GTF2H1: variants seen among roughly 807,000 people sequenced by gnomAD.
GTF2H1 encodes general transcription factor IIH subunit 1.
In GTF2H1, 16 loss-of-function variants were observed where a neutral mutation model predicts 71.2. The observed-to-expected ratio is 0.22, with a 90% confidence interval of 0.15 to 0.34. The LOEUF (loss-of-function observed/expected upper bound fraction) is 0.34. Among genes scored for constraint, GTF2H1 ranks in the 10% least tolerant of loss-of-function variants. The pLI, the probability that GTF2H1 is intolerant of heterozygous loss-of-function variation, is 1.00. For missense variants in GTF2H1, 498 were observed against 648.2 expected (o/e 0.77, Z 2.52); for synonymous variants, 215 against 219.0 (o/e 0.98, Z 0.16).
At chr11:18,325,802 C>G (rs1046296744) in intron 1 of GTF2H1, 1 of 152,176 alleles carries the variant, frequency 6.6e-6, no homozygotes, top group Non-Finnish European at 1.5e-5. Flanking sequence ...AAATTAATGC[C>G]TTTAATATAG....
At chr11:18,337,461 A>G (rs1005471884) in intron 3 of GTF2H1, among the ~76,000 whole-genome samples, 1 of 151,890 alleles carries the variant, frequency 6.6e-6, no homozygotes, top group Admixed American at 6.6e-5. Context: ...GAAAAAAAAA[A>G]CTTCATTGCT....
chr11:18,333,475 C>T (rs765369167), intron 2 of GTF2H1: 7 of 283,528 alleles, frequency 2.5e-5, no homozygotes, highest in Non-Finnish European at 3.3e-5. Context: ...TTAAGAGTTG[C>T]ATAATACTCC....
At chr11:18,344,934 G>T (rs897228529) in intron 7 of GTF2H1, among the ~76,000 whole-genome samples, 1 of 152,090 alleles carries the variant, frequency 6.6e-6, no homozygotes, top group African/African-American at 2.4e-5. Context: ...CGCCAGGTGG[G>T]GTGGCTCATG....
chr11:18,343,826 G>A (rs924648162), intron 7 of GTF2H1, among the ~76,000 whole-genome samples: 2 of 152,068 alleles, frequency 1.3e-5, no homozygotes, highest in Non-Finnish European at 2.9e-5. Context: ...GAGTCGGCGA[G>A]TCTCCTTGAT....
Position 18,352,424 on chromosome 11 carries a change from C to T in GTF2H1, c.1238C>T (p.Ala413Val), listed in dbSNP as rs757919966. 1.4e-6 allele frequency: 2 copies of T among 1,468,728 alleles called. No individual in the cohort carries two copies. Among genetic ancestry groups the T allele is most frequent in the East Asian group, 4.5e-5 (2 of 44,090 alleles). 91.0% of individuals were successfully genotyped at this position (1,468,728 alleles called of 1,614,324 possible). Residue 413 changes from alanine (A) to valine (V), a missense_variant, in exon 11 of 15, where the codon GCT becomes GTT. Physicochemically the swap from Ala to Val is moderately conservative, Grantham distance 64. Around this residue, in one of 3 missense-constraint regions of GTF2H1, gnomAD observed 266 missense variants for 301.6 expected, o/e 0.88. Coordinates refer to ENST00000265963, the MANE Select transcript of GTF2H1 (RefSeq NM_005316.4). The stretch of plus-strand genomic sequence containing the variant: ...CAAAGTATTAGACAAGAAATGGAAG[C>T]TTATACACCCAAGTTAACTCAGGTA... ...SFQSIRQEMEAYTPKLTQVLS... is the reference protein window; with the variant it reads ...SFQSIRQEMEVYTPKLTQVLS...
intron 14 of GTF2H1, among the ~76,000 whole-genome samples, chr11:18,360,966 C>A (rs896655601): frequency 6.6e-6 from 1 of 151,852 alleles, no homozygotes; most frequent in African/African-American, 2.4e-5. Context: ...CTGCCACGCC[C>A]AGCTAATTTT....
At chr11:18,355,175 C>T (rs1182654159) in intron 11 of GTF2H1, among the ~76,000 whole-genome samples, 5 of 149,948 alleles carry the variant, frequency 3.3e-5, no homozygotes, top group Non-Finnish European at 7.4e-5. Context: ...CGGAGTCTTG[C>T]TCTGTTGCCC....
chr11:18,349,993 A>G (rs1865389221), intron 9 of GTF2H1, among the ~76,000 whole-genome samples: 1 of 152,236 alleles, frequency 6.6e-6, no homozygotes, highest in South Asian at 2.1e-4. Context: ...TGGGTACTCA[A>G]AATATGGTTT....
At chr11:18,325,940 C>T (rs1864753303) in intron 1 of GTF2H1, 1 of 152,154 alleles carries the variant, frequency 6.6e-6, no homozygotes, top group Non-Finnish European at 1.5e-5. Flanking sequence ...TTCTATGGCT[C>T]TTATAGAGTT....
At chr11:18,327,293 GAA>G (rs1864790271) in intron 1 of GTF2H1, among the ~76,000 whole-genome samples, 1 of 148,496 alleles carries the variant, frequency 6.7e-6, no homozygotes, top group South Asian at 2.1e-4. Context: ...TTATAGATCA[GAA>G]AAGAGAACAT....
At chr11:18,352,060 C>T (rs566692059) in intron 10 of GTF2H1, 91 bp downstream of exon 10, 52 of 729,558 alleles carry the variant, frequency 7.1e-5, no homozygotes, top group African/African-American at 4.4e-4. Flanking sequence ...TTAATCAGTT[C>T]GTCACCATCA....
chr11:18,341,617 A>G lies in GTF2H1; in HGVS notation c.837+10A>G. 2 of 1,551,500 alleles carry G rather than the reference A, an allele frequency of 1.3e-6. No homozygotes were observed. Among genetic ancestry groups the G allele is most frequent in the Admixed American group, 1.8e-5 (1 of 55,402 alleles). On this transcript the variant is annotated intron_variant, in intron 7 of 14. Coordinates refer to ENST00000265963, the MANE Select transcript of GTF2H1 (RefSeq NM_005316.4). ...TAAACCATTAGATGAGGTAAGAAGC[A>G]ATAAAAGAAGTTTTGAGAGAAAAGA...
At chr11:18,346,863 C>T (rs1009687988) in intron 7 of GTF2H1, among the ~76,000 whole-genome samples, 4 of 149,424 alleles carry the variant, frequency 2.7e-5, no homozygotes, top group Admixed American at 2.7e-4. Flanking sequence ...ACTCAGCCTC[C>T]CCAACAGCTG....
intron 1 of GTF2H1, among the ~76,000 whole-genome samples, chr11:18,324,052 AT>A (rs11287920): frequency 0.69 from 100,336 of 145,986 alleles, 34,493 homozygotes; most frequent in East Asian, 0.96. Context: ...CTCAGCCGAC[AT>A]TTTTTTTTTT....
chr11:18,343,700 C>G (rs901124027), intron 7 of GTF2H1, among the ~76,000 whole-genome samples: 1 of 152,212 alleles, frequency 6.6e-6, no homozygotes, highest in Non-Finnish European at 1.5e-5. Flanking sequence ...ATTTCAAAGA[C>G]ATCTCAACTT....
chr11:18,341,237 A>AT lies in GTF2H1; in HGVS notation c.608-23dup, dbSNP rs757672828. 1.6e-5 allele frequency: 26 copies of AT among 1,591,376 alleles called. 1 individual carries two copies. Reference sequence around the variant, plus strand: ...TTTAAAAATGGAAATTCAGTATATAATATTTGTGGGTTTTTTTCCACAGTA... The same window carrying AT: ...TTTAAAAATGGAAATTCAGTATATAATTATTTGTGGGTTTTTTTCCACAGTA... On this transcript the variant is annotated intron_variant, in intron 5 of 14. Coordinates refer to ENST00000265963, the MANE Select transcript of GTF2H1 (RefSeq NM_005316.4).
At chr11:18,337,977 T>C in intron 3 of GTF2H1, 132 bp from the exon 4 acceptor site, 2 of 591,560 alleles carry the variant, frequency 3.4e-6, no homozygotes, top group Non-Finnish European at 6.0e-6. Context: ...CTGAAGGACC[T>C]CTGCTGCTCA....
intron 1 of GTF2H1, among the ~76,000 whole-genome samples, chr11:18,331,322 C>T (rs1270531594): frequency 2.0e-5 from 3 of 152,078 alleles, no homozygotes; most frequent in Admixed American, 6.5e-5. Flanking sequence ...TCCCAAAGTG[C>T]TGGGATTATA....
chr11:18,361,159 C>T (rs1472396081), intron 14 of GTF2H1, among the ~76,000 whole-genome samples: 1 of 152,056 alleles, frequency 6.6e-6, no homozygotes, highest in Non-Finnish European at 1.5e-5. Flanking sequence ...ATGTGTCATG[C>T]ATTCAGAAGT....
Sources: allele counts gnomAD v4.1 joint callset (sites outside exome capture counted in the v4.1 genomes callset), GRCh38; gene constraint gnomAD v4.1.1; regional missense constraint gnomAD v4.1.1; transcripts MANE v1.5; gene names NCBI Gene and HGNC (gene_info 2026-07-23, HGNC 2026-07-21).